The following ANKRD6 variants were observed in gnomAD, a reference collection of about 807,000 sequenced individuals.
The protein encoded by ANKRD6 is ankyrin repeat domain-containing protein 6.
A neutral mutation model predicts 82.3 loss-of-function variants in ANKRD6; 56 were observed. The ratio of observed to expected loss-of-function variants is 0.68; its 90% CI spans 0.55 to 0.85. The LOEUF is 0.85. Ranked by LOEUF, ANKRD6 falls within the 40% of genes least tolerant of loss-of-function variation. The probability of loss-of-function intolerance (pLI) is 0.00; values close to 1 mark genes in which losing one functional copy is unlikely to be tolerated. For missense variants in ANKRD6, 852 were observed against 907.6 expected, an observed-to-expected ratio of 0.94 and a Z score of 0.79; for synonymous variants, 347 against 352.1, an observed-to-expected ratio of 0.99 and a Z score of 0.16.
chr6:89,600,309 CA>C (rs1297328818), intron 3 of ANKRD6, among the ~76,000 whole-genome samples: 1 of 152,208 alleles, frequency 6.6e-6, no homozygotes, highest in Non-Finnish European at 1.5e-5. Context: ...TGAAACATGA[CA>C]AAAAATATTT....
chr6:89,467,793 A>G (rs1775015155), intron 1 of ANKRD6, among the ~76,000 whole-genome samples: 1 of 152,188 alleles, frequency 6.6e-6, no homozygotes, highest in African/African-American at 2.4e-5. Flanking sequence ...CCTTCTACAC[A>G]TACAACTCCT....
intron 1 of ANKRD6, among the ~76,000 whole-genome samples, chr6:89,566,630 A>T (rs1249256108): frequency 6.6e-6 from 1 of 152,238 alleles, no homozygotes; most frequent in African/African-American, 2.4e-5. Context: ...AAGGGAGGGA[A>T]GTTGGCACAT....
rs553868468 is a variant in ANKRD6, at chr6:89,529,779, G to A, written c.-143-37055G>A. ...GATTTTGTTGTGTCTCAGCAAATAGGGAGGCCCAAGGAGAGGGAGAGAGAA... is the reference window on the plus strand; with the variant it reads ...GATTTTGTTGTGTCTCAGCAAATAGAGAGGCCCAAGGAGAGGGAGAGAGAA... On this transcript the variant is annotated intron_variant, in intron 1 of 15. Coordinates refer to ENST00000339746, the MANE Select transcript of ANKRD6 (RefSeq NM_001242809.2). Among the ~76,000 whole-genome samples the A allele has an allele frequency of 1.4e-3, 214 of 152,262 alleles. 1 individual carries two copies. The Middle Eastern group carries it at 0.024, about 17-fold the overall frequency.
At position 89,524,521 on chromosome 6, in the gene ANKRD6, A is replaced by G. The variant is rs1782234725; in HGVS notation, c.-143-42313A>G. 1.3e-5 allele frequency among the ~76,000 whole-genome samples: 2 copies of G among 152,228 alleles called. 1 individual carries two copies. The highest frequency in any genetic ancestry group is 4.1e-4 in the South Asian group (2 of 4,830). On this transcript the variant is annotated intron_variant, in intron 1 of 15. Coordinates refer to ENST00000339746, the MANE Select transcript of ANKRD6 (RefSeq NM_001242809.2). ...GGAACAAAATAACGACATTCGCAGC[A>G]ACTGGGCTGGAGTTGTATTCAGTAT...
intron 1 of ANKRD6, among the ~76,000 whole-genome samples, chr6:89,442,033 C>G (rs1317396348): frequency 2.0e-5 from 3 of 151,244 alleles, no homozygotes; most frequent in Admixed American, 2.0e-4. Context: ...GGGTCTCACT[C>G]TGTCGCCCAG....
At chr6:89,514,615 A>G (rs1258747853) in intron 1 of ANKRD6, among the ~76,000 whole-genome samples, 4 of 152,224 alleles carry the variant, frequency 2.6e-5, no homozygotes, top group African/African-American at 7.2e-5. Context: ...CTTCATTTCT[A>G]TGATTAGATG....
intron 7 of ANKRD6, 141 bp from the exon 8 acceptor site, chr6:89,616,418 C>T (rs1422172776): frequency 2.6e-5 from 18 of 682,240 alleles, no homozygotes; most frequent in African/African-American, 9.0e-5. Flanking sequence ...AGCCTCATAA[C>T]GCTTTAACAA....
At chr6:89,627,422 A>G (rs986578465) in intron 13 of ANKRD6, among the ~76,000 whole-genome samples, 161 bp from the exon 14 acceptor site, 94 of 152,218 alleles carry the variant, frequency 6.2e-4, no homozygotes, top group African/African-American at 2.2e-3. Flanking sequence ...GAATTCTGAA[A>G]GAGTTCCATG....
chr6:89,441,297 C>T (rs1181114939), intron 1 of ANKRD6, among the ~76,000 whole-genome samples: 2 of 151,888 alleles, frequency 1.3e-5, no homozygotes, highest in African/African-American at 4.8e-5. Context: ...ATTACAGGCA[C>T]CCGCCACCAT....
intron 1 of ANKRD6, among the ~76,000 whole-genome samples, chr6:89,537,861 C>CA (rs927867756): frequency 1.2e-4 from 14 of 116,160 alleles, no homozygotes; most frequent in African/African-American, 4.9e-4. Context: ...GTTGTGCTGA[C>CA]AGAGTGAGAC....
At chr6:89,578,275 C>T (rs1449227862) in intron 2 of ANKRD6, among the ~76,000 whole-genome samples, 1 of 144,652 alleles carries the variant, frequency 6.9e-6, no homozygotes, top group Non-Finnish European at 1.5e-5. Flanking sequence ...GCTTTTTCCC[C>T]CTCCCGCCTC....
At chr6:89,623,795 G>A (rs140046880) in intron 11 of ANKRD6, 77 bp from the exon 12 acceptor site, 231 of 1,469,114 alleles carry the variant, frequency 1.6e-4, no homozygotes, top group Non-Finnish European at 2.0e-4. Flanking sequence ...CAAATGGGGT[G>A]ACATGGGCGC....
intron 1 of ANKRD6, among the ~76,000 whole-genome samples, chr6:89,514,925 T>C (rs1781030507): frequency 6.6e-6 from 1 of 152,246 alleles, no homozygotes. Context: ...TTACTTCCTA[T>C]TTCCTTGATG....
At chr6:89,596,785 A>C (rs999984821) in intron 3 of ANKRD6, among the ~76,000 whole-genome samples, 1 of 152,224 alleles carries the variant, frequency 6.6e-6, no homozygotes, top group Non-Finnish European at 1.5e-5. Context: ...AGGACCATAT[A>C]AATTGTCCTC....
At position 89,466,914 on chromosome 6, in the gene ANKRD6, C is replaced by T. The variant is rs1002491950; in HGVS notation, c.-144+33539C>T. 3.3e-5 allele frequency among the ~76,000 whole-genome samples: 5 copies of T among 152,154 alleles called. No homozygotes were observed. In the South Asian group the frequency reaches 8.3e-4, roughly 25 times the overall value. On this transcript the variant is annotated intron_variant, in intron 1 of 15. Coordinates refer to ENST00000339746, the MANE Select transcript of ANKRD6 (RefSeq NM_001242809.2). ...TAGAAATGGGGTCTTATCTTGTTTTCCAGGCTGGTCTTAAACTCCTGAGCT... is the reference window on the plus strand; with the variant it reads ...TAGAAATGGGGTCTTATCTTGTTTTTCAGGCTGGTCTTAAACTCCTGAGCT...
chr6:89,588,743 C>T (rs770293473), intron 2 of ANKRD6, among the ~76,000 whole-genome samples: 13 of 152,122 alleles, frequency 8.5e-5, no homozygotes, highest in Admixed American at 2.0e-4. Flanking sequence ...CGGTGGCTCA[C>T]GCCTCTAATT....
chr6:89,536,179 G>A (rs771390346), intron 1 of ANKRD6, among the ~76,000 whole-genome samples: 1 of 152,186 alleles, frequency 6.6e-6, no homozygotes, highest in Admixed American at 6.5e-5. Context: ...GCACTAAGCC[G>A]AGATCGCACC....
intron 1 of ANKRD6, among the ~76,000 whole-genome samples, chr6:89,538,729 A>T (rs1454421018): frequency 2.0e-5 from 3 of 152,196 alleles, no homozygotes; most frequent in Non-Finnish European, 4.4e-5. Flanking sequence ...TCTAGGGGGA[A>T]ATTCCATCAA....
chr6:89,623,598 GGGTCCTGGCAGAGCGTCAT>G (rs1307572688), intron 11 of ANKRD6, 54 bp downstream of exon 11: 20 of 1,549,062 alleles, frequency 1.3e-5, no homozygotes, highest in Non-Finnish European at 1.6e-5. Flanking sequence ...AGGGTGGCGA[GGGTCCTGGCAGAGCGTCAT>G]GCCCATCAGC....
Sources: gnomAD v4.1 joint callset for allele counts (sites outside exome capture counted in the v4.1 genomes callset) on GRCh38, gnomAD v4.1.1 for gene constraint, MANE v1.5 for transcripts, NCBI Gene and HGNC (gene_info 2026-07-23, HGNC 2026-07-21) for gene names.